COL10A1: variants seen among roughly 807,000 people sequenced by gnomAD.
The protein encoded by COL10A1 is collagen type X alpha 1 chain.
A neutral mutation model predicts 18.2 loss-of-function variants in COL10A1; 10 were observed. The observed-to-expected ratio is 0.55, with a 90% CI of 0.34 to 0.93. The LOEUF is 0.93. COL10A1 is among the 40% of genes least tolerant of loss of function. The pLI, the probability that COL10A1 is intolerant of heterozygous loss-of-function variation, is 0.02. For synonymous variants in COL10A1, 330 were observed against 316.6 expected (o/e 1.04, Z -0.45); for missense variants, 897 against 853.5 (o/e 1.05, Z -0.64).
At chr6:116,195,758 A>T in the COL10A1 span, among the ~76,000 whole-genome samples, 1 of 152,066 alleles carries the variant, frequency 6.6e-6, no homozygotes, top group African/African-American at 2.4e-5. Flanking sequence ...TAGATCAACA[A>T]TAGCAACTAG....
At chr6:116,168,808 C>T in the COL10A1 span, among the ~76,000 whole-genome samples, 1 of 152,000 alleles carries the variant, frequency 6.6e-6, no homozygotes, top group Non-Finnish European at 1.5e-5. Flanking sequence ...ACAGGGAGAA[C>T]TTATGTTTGC....
At chr6:116,158,741 TA>T (rs1780262691) in exon 1 of COL10A1, 1 of 152,192 alleles carries the variant, frequency 6.6e-6, no homozygotes, top group Non-Finnish European at 1.5e-5. Flanking sequence ...CCAGGAGGGG[TA>T]AAAACAGTCC....
chr6:116,120,408 G>A lies in COL10A1; in HGVS notation c.1708C>T (p.Pro570Ser). The A allele has an allele frequency of 6.2e-7, 1 of 1,614,284 alleles. No homozygotes were observed. Among genetic ancestry groups the A allele is most frequent in the Non-Finnish European group, 8.5e-7 (1 of 1,180,048 alleles). ...CTGTTATACAAAATTTTATCAAATG[G>A]TATGGGAGTTCCTATTGCTGGGTAA... is the stretch of plus-strand genomic sequence containing the variant. ...KAYPAIGTPI[P>S]FDKILYNRQQ... Residue 570 changes from proline to serine, a missense_variant, in exon 3 of 3, where the codon CCA (proline) becomes TCA (serine). Transcript: ENST00000651968.
At chr6:116,214,702 T>TGC in the COL10A1 span, among the ~76,000 whole-genome samples, 1 of 152,020 alleles carries the variant, frequency 6.6e-6, no homozygotes, top group Non-Finnish European at 1.5e-5. Flanking sequence ...GTTTTTGAAA[T>TGC]ATCATATTCA....
chr6:116,151,396 CAT>C (rs1461044649), intron 1 of COL10A1, among the ~76,000 whole-genome samples: 14 of 152,226 alleles, frequency 9.2e-5, no homozygotes, highest in African/African-American at 2.9e-4. Context: ...GTTTTCAACT[CAT>C]ATTGTTTTTG....
At chr6:116,163,141 A>AAAAATATATATATATAT (rs761718922), upstream of COL10A1, among the ~76,000 whole-genome samples, 8 of 88,392 alleles carry the variant, frequency 9.1e-5, no homozygotes, top group African/African-American at 4.0e-4. Flanking sequence ...AAAAAAAAAA[A>AAAAATATATATATATAT]ATATATATAT....
chr6:116,196,272 T>C, the COL10A1 span, among the ~76,000 whole-genome samples: 3 of 152,070 alleles, frequency 2.0e-5, no homozygotes, highest in African/African-American at 7.2e-5. Flanking sequence ...ATATTTTCCA[T>C]ATCACATTTG....
At chr6:116,132,154 A>C (rs1779484749) in intron 1 of COL10A1, among the ~76,000 whole-genome samples, 1 of 152,158 alleles carries the variant, frequency 6.6e-6, no homozygotes, top group South Asian at 2.1e-4. Flanking sequence ...GTGTATATGT[A>C]GCCTGAATGT....
chr6:116,200,350 A>G, the COL10A1 span, among the ~76,000 whole-genome samples: 8 of 152,050 alleles, frequency 5.3e-5, no homozygotes, highest in African/African-American at 1.9e-4. Flanking sequence ...CTGGCACAGA[A>G]AAGAGACATT....
intron 1 of COL10A1, among the ~76,000 whole-genome samples, chr6:116,135,850 TATATATATATATATATATATATAC>T (rs1021188681): frequency 4.4e-5 from 5 of 113,222 alleles, no homozygotes; most frequent in Non-Finnish European, 7.0e-5. Flanking sequence ...TATATATATA[TATATATATATATATATATATATAC>T]ACACATACAC....
the COL10A1 span, among the ~76,000 whole-genome samples, chr6:116,173,572 T>C: frequency 6.6e-6 from 1 of 152,120 alleles, no homozygotes; most frequent in Non-Finnish European, 1.5e-5. Context: ...GCGAGTGTGC[T>C]CCTCAGGGTA....
chr6:116,127,480 A>G (rs184092672), upstream of COL10A1, among the ~76,000 whole-genome samples: 397 of 152,258 alleles, frequency 2.6e-3, 10 homozygotes, highest in South Asian at 0.043. Flanking sequence ...GAATAACAAA[A>G]TAGGAAAGTT....
In COL10A1 at chr6:116,120,412, G is replaced by A; in HGVS notation, c.1704C>T (p.Pro568=). The part of the protein sequence containing the change: ...LSKAYPAIGT[P]IPFDKILYNR... ...TATACAAAATTTTATCAAATGGTAT[G>A]GGAGTTCCTATTGCTGGGTAAGCTT... Residue 568 remains proline, a synonymous_variant, in exon 3 of 3, where the codon CCC becomes CCT. Transcript: ENST00000651968. 6.2e-7 allele frequency: 1 copy of A among 1,614,240 alleles called. No individual in the cohort carries two copies. The highest frequency in any genetic ancestry group is 8.5e-7 in the Non-Finnish European group (1 of 1,180,032).
At chr6:116,206,987 A>G in the COL10A1 span, among the ~76,000 whole-genome samples, 1 of 151,816 alleles carries the variant, frequency 6.6e-6, no homozygotes, top group Admixed American at 6.6e-5. Flanking sequence ...CTCTGGATTT[A>G]TATTGACATC....
At chr6:116,206,389 A>G in the COL10A1 span, among the ~76,000 whole-genome samples, 1 of 152,016 alleles carries the variant, frequency 6.6e-6, no homozygotes, top group East Asian at 1.9e-4. Context: ...CATTTTATAG[A>G]TAAGCCAACA....
At position 116,121,633 on chromosome 6, in the gene COL10A1, C is replaced by G. The variant is rs1779131623; in HGVS notation, c.483G>C (p.Gln161His). The G allele has an allele frequency of 1.9e-6, 3 of 1,613,918 alleles. No homozygotes were observed. In the African/African-American group the frequency reaches 4.0e-5, roughly 22 times the overall value. The change falls in exon 3 of 3, where the codon CAG becomes CAC. Residue 161 changes from glutamine (Q) to histidine (H), a missense_variant. Coordinates refer to ENST00000651968, the MANE Select transcript of COL10A1 (RefSeq NM_000493.4). ...GISVPGKPGQQGPTGAPGPRG... is the reference protein window; with the variant it reads ...GISVPGKPGQHGPTGAPGPRG... ...TGGGTCCTGGGGCTCCTGTGGGTCC[C>G]TGTTGTCCAGGTTTTCCTGGCACAG...
chr6:116,163,141 A>ATATAT (rs1554197064), upstream of COL10A1, among the ~76,000 whole-genome samples: 17 of 88,394 alleles, frequency 1.9e-4, no homozygotes, highest in East Asian at 1.8e-3. Flanking sequence ...AAAAAAAAAA[A>ATATAT]ATATATATAT....
At chr6:116,165,121 A>T in the COL10A1 span, among the ~76,000 whole-genome samples, 2 of 147,834 alleles carry the variant, frequency 1.4e-5, no homozygotes, top group South Asian at 2.1e-4. Flanking sequence ...AAAAAAAATT[A>T]TTGGCTGGCA....
the COL10A1 span, among the ~76,000 whole-genome samples, chr6:116,182,829 T>C: frequency 6.6e-6 from 1 of 152,256 alleles, no homozygotes; most frequent in East Asian, 1.9e-4. Context: ...TTTTCCCCAC[T>C]CTGTGGGTTG....
Sources: gnomAD v4.1 joint callset for allele counts (sites outside exome capture counted in the v4.1 genomes callset) on GRCh38, gnomAD v4.1.1 for gene constraint, MANE v1.5 for transcripts, NCBI Gene and HGNC (gene_info 2026-07-23, HGNC 2026-07-21) for gene names.